NKAIN2: variants seen among roughly 807,000 people sequenced by gnomAD.
NKAIN2 encodes sodium/potassium-transporting ATPase subunit beta-1-interacting protein 2.
In NKAIN2, 14 loss-of-function variants were observed where a neutral mutation model predicts 32.6. The ratio of observed to expected loss-of-function variants is 0.43; its 90% CI spans 0.28 to 0.67. The LOEUF (loss-of-function observed/expected upper bound fraction) is 0.67. Among genes scored for constraint, NKAIN2 ranks in the 30% least tolerant of loss-of-function variants. NKAIN2 has a pLI of 0.17. For synonymous variants in NKAIN2, 80 were observed against 87.2 expected (o/e 0.92, Z 0.46); for missense variants, 198 against 258.3 (o/e 0.77, Z 1.60).
At chr6:124,212,394 C>T (rs1791230053) in intron 1 of NKAIN2, among the ~76,000 whole-genome samples, 1 of 152,002 alleles carries the variant, frequency 6.6e-6, no homozygotes, top group Non-Finnish European at 1.5e-5. Context: ...ATAGACAATG[C>T]TTAGAATAAT....
At chr6:124,499,917 G>A (rs780308874) in intron 3 of NKAIN2, among the ~76,000 whole-genome samples, 1 of 152,206 alleles carries the variant, frequency 6.6e-6, no homozygotes, top group Non-Finnish European at 1.5e-5. Context: ...GTGTCTTTAT[G>A]AATGTATCTG....
At chr6:124,374,869 A>G (rs1002119680) in intron 3 of NKAIN2, among the ~76,000 whole-genome samples, 8 of 152,138 alleles carry the variant, frequency 5.3e-5, no homozygotes, top group Non-Finnish European at 8.8e-5. Context: ...TGATAATAAT[A>G]TATTAATAGT....
At chr6:124,761,787 G>A (rs1778276309) in intron 4 of NKAIN2, among the ~76,000 whole-genome samples, 1 of 152,030 alleles carries the variant, frequency 6.6e-6, no homozygotes, top group Non-Finnish European at 1.5e-5. Flanking sequence ...CAATCTGAAT[G>A]GGGAAAAACT....
intron 3 of NKAIN2, among the ~76,000 whole-genome samples, chr6:124,364,579 A>G (rs1799438381): frequency 6.6e-6 from 1 of 152,072 alleles, no homozygotes; most frequent in Admixed American, 6.6e-5. Context: ...CAGGAAGGCA[A>G]TTGAATGACA....
At chr6:123,899,272 C>T (rs985818290) in intron 1 of NKAIN2, among the ~76,000 whole-genome samples, 8 of 152,206 alleles carry the variant, frequency 5.3e-5, no homozygotes, top group African/African-American at 1.9e-4. Context: ...TAAATTAACT[C>T]ATCCTGTTGT....
intron 1 of NKAIN2, among the ~76,000 whole-genome samples, chr6:124,098,991 G>T (rs1784762437): frequency 2.0e-5 from 3 of 151,958 alleles, no homozygotes; most frequent in African/African-American, 7.3e-5. Flanking sequence ...ATAAAGTTAG[G>T]TTATCCTATT....
intron 1 of NKAIN2, among the ~76,000 whole-genome samples, chr6:124,120,570 T>C (rs1485094665): frequency 6.6e-6 from 1 of 152,200 alleles, no homozygotes; most frequent in East Asian, 1.9e-4. Flanking sequence ...TGCTGGCAAG[T>C]AAGACAACTA....
At chr6:124,056,989 A>T in intron 1 of NKAIN2, among the ~76,000 whole-genome samples, 1 of 152,050 alleles carries the variant, frequency 6.6e-6, no homozygotes, top group East Asian at 1.9e-4. Flanking sequence ...AAAATAAACA[A>T]TAAACTCTAT....
At chr6:124,064,329 T>C (rs1783058992) in intron 1 of NKAIN2, among the ~76,000 whole-genome samples, 1 of 152,318 alleles carries the variant, frequency 6.6e-6, no homozygotes, top group African/African-American at 2.4e-5. Context: ...TATTTGTGCT[T>C]TTGCTAAAAA....
intron 4 of NKAIN2, among the ~76,000 whole-genome samples, chr6:124,680,190 TAAGA>T (rs1773549484): frequency 6.6e-6 from 1 of 152,066 alleles, no homozygotes; most frequent in South Asian, 2.1e-4. Flanking sequence ...TATGGGACCT[TAAGA>T]AAGAATAAAT....
chr6:124,259,703 G>A (rs1794133124), intron 1 of NKAIN2, among the ~76,000 whole-genome samples: 1 of 152,106 alleles, frequency 6.6e-6, no homozygotes, highest in Non-Finnish European at 1.5e-5. Context: ...TTAAAACTAA[G>A]CCCAAGGCAG....
At chr6:124,353,425 G>A (rs73573023) in intron 2 of NKAIN2, among the ~76,000 whole-genome samples, 2,214 of 152,276 alleles carry the variant, frequency 0.015, 66 homozygotes, top group African/African-American at 0.051. Flanking sequence ...GGTAAGAAGA[G>A]AAAGTAAAAG....
In NKAIN2 at chr6:123,962,390, A is replaced by G. The variant is rs570065744; in HGVS notation, c.54+158136A>G. ...TATCATCATTTCAAAGATGGACACG[A>G]TTCTATTTCCTTATCTGCTTGCAGA... On this transcript the variant is annotated intron_variant, in intron 1 of 6. Coordinates refer to ENST00000368417, the MANE Select transcript of NKAIN2 (RefSeq NM_001040214.3). 2.2e-4 allele frequency among the ~76,000 whole-genome samples: 34 copies of G among 152,258 alleles called. No homozygotes were observed. In the South Asian group the frequency reaches 6.6e-3, roughly 30 times the overall value.
intron 1 of NKAIN2, among the ~76,000 whole-genome samples, chr6:124,201,422 T>TA (rs1178581358): frequency 6.6e-6 from 1 of 152,026 alleles, no homozygotes; most frequent in Non-Finnish European, 1.5e-5. Flanking sequence ...ATGATTCTAA[T>TA]TAGTGGGAAT....
At chr6:124,252,841 A>G (rs901178068) in intron 1 of NKAIN2, among the ~76,000 whole-genome samples, 4 of 152,148 alleles carry the variant, frequency 2.6e-5, no homozygotes, top group Non-Finnish European at 4.4e-5. Flanking sequence ...AAAGATAATG[A>G]TAATGTCTAA....
intron 3 of NKAIN2, among the ~76,000 whole-genome samples, chr6:124,463,227 G>A (rs897368607): frequency 2.0e-5 from 3 of 151,938 alleles, no homozygotes; most frequent in African/African-American, 2.4e-5. Flanking sequence ...TCATAATTGA[G>A]TAACATAAAA....
At chr6:124,116,774 T>G (rs1785638871) in intron 1 of NKAIN2, among the ~76,000 whole-genome samples, 1 of 152,090 alleles carries the variant, frequency 6.6e-6, no homozygotes, top group South Asian at 2.1e-4. Flanking sequence ...GCCGGCTACA[T>G]GTAACCATAG....
At chr6:124,017,471 T>C (rs1208134550) in intron 1 of NKAIN2, among the ~76,000 whole-genome samples, 1 of 152,112 alleles carries the variant, frequency 6.6e-6, no homozygotes, top group African/African-American at 2.4e-5. Context: ...TAGTACAAAG[T>C]CTCTTCTGAG....
At chr6:124,753,574 A>C (rs1349514452) in intron 4 of NKAIN2, among the ~76,000 whole-genome samples, 2 of 152,110 alleles carry the variant, frequency 1.3e-5, no homozygotes, top group Non-Finnish European at 2.9e-5. Flanking sequence ...ATGAGGATTT[A>C]TATCAAGAGT....
Sources: allele counts gnomAD v4.1 joint callset (sites outside exome capture counted in the v4.1 genomes callset), GRCh38; gene constraint gnomAD v4.1.1; transcripts MANE v1.5; gene names NCBI Gene and HGNC (gene_info 2026-07-23, HGNC 2026-07-21).